TRAPPC9: variants seen among roughly 807,000 people sequenced by gnomAD.
The protein encoded by TRAPPC9 is trafficking protein particle complex subunit 9.
In TRAPPC9, 83 loss-of-function variants were observed where a neutral mutation model predicts 124.0. The ratio of observed to expected loss-of-function variants is 0.67; its 90% CI spans 0.56 to 0.80. The LOEUF (loss-of-function observed/expected upper bound fraction) is 0.80, where lower values mean the gene tolerates loss of function less well. Ranked by LOEUF, TRAPPC9 falls within the 30% of genes least tolerant of loss-of-function variation. TRAPPC9 has a pLI of 0.00. For missense variants in TRAPPC9, 1,302 were observed against 1,508.3 expected (o/e 0.86, Z 2.27); for synonymous variants, 638 against 617.5 (o/e 1.03, Z -0.49).
intron 16 of TRAPPC9, among the ~76,000 whole-genome samples, chr8:140,244,295 T>C (rs1371021226): frequency 2.6e-5 from 4 of 152,184 alleles, no homozygotes; most frequent in African/African-American, 9.7e-5. Flanking sequence ...TCCTGTTCTG[T>C]CAACCAAATT....
intron 7 of TRAPPC9, among the ~76,000 whole-genome samples, chr8:140,376,853 A>G (rs1433704512): frequency 1.4e-5 from 2 of 147,708 alleles, no homozygotes; most frequent in Non-Finnish European, 3.0e-5. Flanking sequence ...CTTCAGCACA[A>G]CAAGAGCGAG....
chr8:139,876,402 C>G (rs1341509125), intron 21 of TRAPPC9, among the ~76,000 whole-genome samples: 1 of 152,210 alleles, frequency 6.6e-6, no homozygotes, highest in African/African-American at 2.4e-5. Flanking sequence ...TGAGCCACAT[C>G]CTCATGCGTA....
At chr8:139,787,560 G>A (rs80160856) in intron 21 of TRAPPC9, among the ~76,000 whole-genome samples, 9,476 of 152,210 alleles carry the variant, frequency 0.062, 405 homozygotes, top group East Asian at 0.14. Flanking sequence ...ATGGAAAAAG[G>A]CCTCACCGAA....
At chr8:139,739,213 G>A (rs1312662991) in intron 21 of TRAPPC9, among the ~76,000 whole-genome samples, 1 of 151,918 alleles carries the variant, frequency 6.6e-6, no homozygotes, top group Non-Finnish European at 1.5e-5. Flanking sequence ...AGCTCAAGCT[G>A]GGTCCTCTCC....
At chr8:139,751,729 G>GCATCCATC (rs113980054) in intron 21 of TRAPPC9, among the ~76,000 whole-genome samples, 1 of 146,386 alleles carries the variant, frequency 6.8e-6, no homozygotes, top group South Asian at 2.2e-4. Flanking sequence ...CATCCATCCA[G>GCATCCATC]CATCCATCCA....
At chr8:139,879,797 T>C (rs891728643) in intron 21 of TRAPPC9, among the ~76,000 whole-genome samples, 8 of 152,180 alleles carry the variant, frequency 5.3e-5, no homozygotes, top group African/African-American at 1.9e-4. Flanking sequence ...TGGCAAGGAA[T>C]TATTTGTGTT....
chr8:139,775,834 C>T (rs1353333912), intron 21 of TRAPPC9, among the ~76,000 whole-genome samples: 2 of 152,262 alleles, frequency 1.3e-5, no homozygotes, highest in Non-Finnish European at 2.9e-5. Context: ...GGCCATCTGT[C>T]CTTCCTGCCC....
intron 18 of TRAPPC9, among the ~76,000 whole-genome samples, chr8:140,016,667 C>T (rs1318290981): frequency 1.3e-5 from 2 of 152,162 alleles, no homozygotes; most frequent in Non-Finnish European, 2.9e-5. Flanking sequence ...GGCAGCACCC[C>T]ACATTGTTTA....
intron 15 of TRAPPC9, among the ~76,000 whole-genome samples, chr8:140,255,249 C>G (rs146284589): frequency 4.7e-4 from 71 of 152,336 alleles, no homozygotes; most frequent in African/African-American, 1.6e-3. Context: ...CAGAACACCT[C>G]AAATGTGCCA....
chr8:140,018,324 A>ATTTTTTCTTTTTTTTTTTTTTTTTTTAT, intron 18 of TRAPPC9, among the ~76,000 whole-genome samples: 1 of 119,786 alleles, frequency 8.3e-6, no homozygotes, highest in African/African-American at 3.3e-5. Flanking sequence ...AACGTAAGTG[A>ATTTTTTCTTTTTTTTTTTTTTTTTTTAT]TTTTTTTTTT....
chr8:140,235,784 T>C (rs960267046), intron 16 of TRAPPC9, among the ~76,000 whole-genome samples: 2 of 152,196 alleles, frequency 1.3e-5, no homozygotes, highest in African/African-American at 4.8e-5. Flanking sequence ...ACCAAATACA[T>C]GCACAAGAAT....
intron 17 of TRAPPC9, chr8:140,099,000 A>G (rs2060514018): frequency 6.6e-6 from 1 of 151,932 alleles, no homozygotes; most frequent in Non-Finnish European, 1.5e-5. Flanking sequence ...ACAGCCGTGC[A>G]CAGGGGAGGA....
intron 21 of TRAPPC9, among the ~76,000 whole-genome samples, chr8:139,852,724 G>A (rs10089114): frequency 0.043 from 6,618 of 152,252 alleles, 479 homozygotes; most frequent in African/African-American, 0.15. Flanking sequence ...GGCTGGCATG[G>A]TCTCTGTTCT....
At chr8:139,864,228 G>A (rs531572799) in intron 21 of TRAPPC9, among the ~76,000 whole-genome samples, 63 of 152,240 alleles carry the variant, frequency 4.1e-4, no homozygotes, top group African/African-American at 1.5e-3. Context: ...GCTGATCCAC[G>A]TCCAAATAGC....
chr8:140,373,606 G>A (rs1276035022), intron 7 of TRAPPC9, among the ~76,000 whole-genome samples: 5 of 151,552 alleles, frequency 3.3e-5, no homozygotes, highest in African/African-American at 4.9e-5. Context: ...TCATGCCGAC[G>A]CCGACGATGT....
chr8:140,205,382 T>C lies in TRAPPC9; in HGVS notation c.2556+16077A>G, dbSNP rs1244128328. On this transcript the variant is annotated intron_variant, in intron 17 of 22. Coordinates refer to ENST00000438773, the MANE Select transcript of TRAPPC9 (RefSeq NM_001160372.4). ...GAACAAGAACCCAAACTACAATATG[T>C]AGAAAGATTGGAAACATTCATCACT... is the stretch of plus-strand genomic sequence containing the variant. Among the ~76,000 whole-genome samples, 7 of 152,238 alleles carry C rather than the reference T, an allele frequency of 4.6e-5. No individual in the cohort carries two copies. In the East Asian group the frequency reaches 1.2e-3, roughly 25 times the overall value.
At chr8:139,928,945 C>T (rs985000503) in intron 19 of TRAPPC9, among the ~76,000 whole-genome samples, 7 of 151,978 alleles carry the variant, frequency 4.6e-5, no homozygotes, top group South Asian at 2.1e-4. Context: ...CCTAAGACAA[C>T]GCCTTGCAAG....
chr8:140,237,729 G>A (rs964797120), intron 16 of TRAPPC9, among the ~76,000 whole-genome samples: 1 of 152,142 alleles, frequency 6.6e-6, no homozygotes, highest in Non-Finnish European at 1.5e-5. Context: ...TGTCCTGAGG[G>A]TGACGGGATG....
intron 17 of TRAPPC9, chr8:140,100,570 T>TG (rs2060560086): frequency 6.6e-6 from 1 of 152,656 alleles, no homozygotes; most frequent in African/African-American, 2.4e-5. Flanking sequence ...TAAACACCCC[T>TG]GGTCGTACGT....
Sources: gnomAD v4.1 joint callset for allele counts (sites outside exome capture counted in the v4.1 genomes callset) on GRCh38, gnomAD v4.1.1 for gene constraint, MANE v1.5 for transcripts, NCBI Gene and HGNC (gene_info 2026-07-23, HGNC 2026-07-21) for gene names.